Variants in ZNF367 observed in about 807,000 individuals in gnomAD.
ZNF367 encodes C2H2 zinc finger protein ZFF29.
ZNF367 carries 11 observed loss-of-function variants against 31.8 expected under a neutral mutation model. That is an observed-to-expected ratio of 0.35 (90% CI 0.22 to 0.57). The LOEUF (loss-of-function observed/expected upper bound fraction) is 0.57. Among genes scored for constraint, ZNF367 ranks in the 20% least tolerant of loss-of-function variants. ZNF367 has a pLI of 0.85. For missense variants in ZNF367, 353 were observed against 484.1 expected, an observed-to-expected ratio of 0.73 and a Z score of 2.54; for synonymous variants, 199 against 202.4, an observed-to-expected ratio of 0.98 and a Z score of 0.14.
chr9:96,399,350 A>C (rs1831572143), intron 1 of ZNF367, among the ~76,000 whole-genome samples: 1 of 151,996 alleles, frequency 6.6e-6, no homozygotes, highest in African/African-American at 2.4e-5. Flanking sequence ...GGGATGGTGG[A>C]GGGAAGCTCT....
chr9:96,406,783 G>A (rs1332891629), intron 1 of ZNF367, among the ~76,000 whole-genome samples: 2 of 149,984 alleles, frequency 1.3e-5, no homozygotes, highest in Non-Finnish European at 3.0e-5. Context: ...GGCGGATCAC[G>A]AGGTCAACAG....
chr9:96,403,811 T>C (rs572747504), intron 1 of ZNF367, among the ~76,000 whole-genome samples: 9 of 152,306 alleles, frequency 5.9e-5, no homozygotes, highest in African/African-American at 2.2e-4. Flanking sequence ...GATTTCCATA[T>C]ACAAAAGGAT....
intron 1 of ZNF367, among the ~76,000 whole-genome samples, chr9:96,411,276 C>A (rs1030198329): frequency 1.7e-4 from 26 of 151,660 alleles, no homozygotes; most frequent in Non-Finnish European, 3.2e-4. Flanking sequence ...GGCTGGGCGC[C>A]GTGGCTCATG....
intron 1 of ZNF367, among the ~76,000 whole-genome samples, chr9:96,400,815 A>T (rs902091045): frequency 6.6e-6 from 1 of 152,224 alleles, no homozygotes; most frequent in Non-Finnish European, 1.5e-5. Flanking sequence ...ATTTGATATG[A>T]CACAAATCTA....
intron 1 of ZNF367, among the ~76,000 whole-genome samples, chr9:96,401,284 T>C (rs981923922): frequency 1.3e-5 from 2 of 152,002 alleles, no homozygotes; most frequent in Non-Finnish European, 2.9e-5. Flanking sequence ...TAACAGCTGA[T>C]TGGGAGGCCA....
At chr9:96,403,535 T>C (rs1831635681) in intron 1 of ZNF367, among the ~76,000 whole-genome samples, 1 of 152,070 alleles carries the variant, frequency 6.6e-6, no homozygotes, top group South Asian at 2.1e-4. Context: ...TATGGAATTA[T>C]AGGAGGCTCC....
Position 96,417,604 on chromosome 9 carries a change from G to C in ZNF367, c.420+9C>G, listed in dbSNP as rs2131086201. 2 of 524,120 alleles carry C rather than the reference G, an allele frequency of 3.8e-6. No individual in the cohort carries two copies. Among genetic ancestry groups the C allele is most frequent in the South Asian group, 9.1e-5 (1 of 10,968 alleles). 32.5% of individuals were successfully genotyped at this position (524,120 alleles called of 1,614,324 possible). ...ACGTCCCGCCCGCCCGCCCGCCCGC[G>C]CCGCTCACCTTGAGGTGGCCGCTGT... is the stretch of plus-strand genomic sequence containing the variant. On this transcript the variant is annotated intron_variant, in intron 1 of 4. Transcript: ENST00000375256. The surrounding 1 kb of genome is among the most constrained non-coding windows in gnomAD (Gnocchi z 5.0).
At chr9:96,416,988 G>C (rs531198873) in intron 1 of ZNF367, among the ~76,000 whole-genome samples, 2 of 152,354 alleles carry the variant, frequency 1.3e-5, no homozygotes, top group South Asian at 4.1e-4. Flanking sequence ...CTGTAAAATA[G>C]GTTTGAACCA....
chr9:96,417,193 C>G lies in ZNF367; in HGVS notation c.420+420G>C, dbSNP rs953758024. ...GCTGTCTCTGCAGGGCATCTTTTAA[C>G]AGGGCGAGGGCGATCTGCAGTAATG... On this transcript the variant is annotated intron_variant, in intron 1 of 4. Transcript: ENST00000375256. This position sits in a 1 kb window ranked among gnomAD's most constrained non-coding sequence, Gnocchi z 5.0. Among the ~76,000 whole-genome samples, 4 of 152,212 alleles carry G rather than the reference C, an allele frequency of 2.6e-5. No individual in the cohort carries two copies. The highest frequency in any genetic ancestry group is 2.0e-4 in the Admixed American group (3 of 15,286).
chr9:96,397,750 C>T (rs1184412958), intron 2 of ZNF367, among the ~76,000 whole-genome samples: 8 of 152,092 alleles, frequency 5.3e-5, no homozygotes, highest in Admixed American at 5.2e-4. Flanking sequence ...AAATATAAAG[C>T]AACTAAAAAG....
Position 96,409,735 on chromosome 9 carries a change from T to C in ZNF367, c.420+7878A>G, listed in dbSNP as rs538104378. 2.0e-4 allele frequency among the ~76,000 whole-genome samples: 31 copies of C among 152,346 alleles called. 1 individual carries two copies. The highest frequency in any genetic ancestry group is 1.9e-4 in the Non-Finnish European group (13 of 68,042). ...GGCTGTGATCCTCAGTAGCCACATA[T>C]AGCTCAAGTCTTGCTTGCTAAAATT... On this transcript the variant is annotated intron_variant, in intron 1 of 4. Transcript: ENST00000375256.
At position 96,418,063 on chromosome 9, in the gene ZNF367, C is replaced by G. The variant is rs1176332485; in HGVS notation, c.-31G>C. ...GGCCCGACCCCCAGCTCCGGCGGCC[C>G]CGGGCCGCACTCCTGAGCACCGCTC... is the stretch of plus-strand genomic sequence containing the variant. On this transcript the variant is annotated 5_prime_UTR_variant, in exon 1 of 5. Transcript: ENST00000375256. 2 of 1,351,336 alleles carry G rather than the reference C, an allele frequency of 1.5e-6. No homozygotes were observed. The highest frequency in any genetic ancestry group is 1.5e-5 in the African/African-American group (1 of 65,158). The allele number at this position is 1,351,336 out of a possible 1,614,324, so 83.7% of individuals were successfully genotyped here.
intron 1 of ZNF367, among the ~76,000 whole-genome samples, chr9:96,409,349 G>A (rs10820564): frequency 0.18 from 27,162 of 152,152 alleles, 2,703 homozygotes; most frequent in African/African-American, 0.26. Context: ...AGACCCATCT[G>A]TCCCAGCTTG....
Position 96,417,375 on chromosome 9 carries a change from C to T in ZNF367, c.420+238G>A, listed in dbSNP as rs996801698. Among the ~76,000 whole-genome samples, 5 of 152,000 alleles carry T rather than the reference C, an allele frequency of 3.3e-5. No homozygotes were observed. Among genetic ancestry groups the T allele is most frequent in the African/African-American group, 1.2e-4 (5 of 41,408 alleles). On this transcript the variant is annotated intron_variant, in intron 1 of 4. Transcript: ENST00000375256. This position sits in a 1 kb window ranked among gnomAD's most constrained non-coding sequence, Gnocchi z 5.0. The stretch of plus-strand genomic sequence containing the variant: ...CTCCCCAGCGACCCCGGGCCGCGCT[C>T]CCGCCCACTGCACCTGCCGCAAGGA...
intron 2 of ZNF367, among the ~76,000 whole-genome samples, chr9:96,396,222 C>A (rs1390078574): frequency 6.6e-6 from 1 of 152,086 alleles, no homozygotes; most frequent in Non-Finnish European, 1.5e-5. Flanking sequence ...TTCATTCTGC[C>A]ACATAGTCTT....
At chr9:96,414,133 ACTTC>A (rs1831786700) in intron 1 of ZNF367, among the ~76,000 whole-genome samples, 2 of 152,190 alleles carry the variant, frequency 1.3e-5, no homozygotes, top group South Asian at 2.1e-4. Context: ...AAACTAAGCA[ACTTC>A]CTTATTTTTT....
intron 1 of ZNF367, among the ~76,000 whole-genome samples, chr9:96,415,478 C>CTT (rs1564146059): frequency 7.6e-5 from 5 of 65,520 alleles, no homozygotes; most frequent in African/African-American, 1.1e-4. Flanking sequence ...TTAGTTTCTT[C>CTT]ATTTTTTTTT....
intron 3 of ZNF367, among the ~76,000 whole-genome samples, chr9:96,393,834 AAAAT>A (rs1831499833): frequency 6.6e-6 from 1 of 152,276 alleles, no homozygotes; most frequent in South Asian, 2.1e-4. Flanking sequence ...TCCGTCTCAA[AAAAT>A]AAATAAACAA....
At chr9:96,412,770 A>T (rs1831767577) in intron 1 of ZNF367, among the ~76,000 whole-genome samples, 1 of 147,072 alleles carries the variant, frequency 6.8e-6, no homozygotes, top group South Asian at 2.1e-4. Context: ...ATCTCAGCTC[A>T]TTGCAACCTC....
Sources: allele counts gnomAD v4.1 joint callset (sites outside exome capture counted in the v4.1 genomes callset), GRCh38; gene constraint gnomAD v4.1.1; non-coding constraint Gnocchi (gnomAD v3.1); transcripts MANE v1.5; gene names NCBI Gene and HGNC (gene_info 2026-07-23, HGNC 2026-07-21).